The following TNR variants were observed in gnomAD, a reference collection of about 807,000 sequenced individuals.
TNR encodes tenascin R.
Under a neutral mutation model 150.4 loss-of-function variants are expected in TNR, and 45 were observed. That is an observed-to-expected ratio of 0.30 (90% CI 0.24 to 0.38). The LOEUF (loss-of-function observed/expected upper bound fraction) is 0.38, where lower values mean the gene tolerates loss of function less well. Ranked by LOEUF, TNR falls within the 10% of genes least tolerant of loss-of-function variation. The probability of loss-of-function intolerance (pLI) is 1.00; values close to 1 mark genes in which losing one functional copy is unlikely to be tolerated. For missense variants in TNR, 1,544 were observed against 1,759.1 expected, an observed-to-expected ratio of 0.88 and a Z score of 2.19; for synonymous variants, 687 against 678.4, an observed-to-expected ratio of 1.01 and a Z score of -0.20.
At chr1:175,493,843 A>G (rs1658360725) in intron 2 of TNR, among the ~76,000 whole-genome samples, 1 of 152,296 alleles carries the variant, frequency 6.6e-6, no homozygotes, top group East Asian at 1.9e-4. Flanking sequence ...CCGACTTGAA[A>G]AAAACGCCCA....
At chr1:175,347,947 T>C (rs1650875861) in intron 18 of TNR, among the ~76,000 whole-genome samples, 1 of 151,974 alleles carries the variant, frequency 6.6e-6, no homozygotes, top group African/African-American at 2.4e-5. Context: ...GGTATAAGAA[T>C]TAGAAGTATA....
At chr1:175,535,502 C>T (rs1571573726) in intron 1 of TNR, among the ~76,000 whole-genome samples, 1 of 151,844 alleles carries the variant, frequency 6.6e-6, no homozygotes, top group Non-Finnish European at 1.5e-5. Flanking sequence ...GCTCTGTCGC[C>T]CAGGCTGGAG....
At chr1:175,399,093 A>C (rs536824957) in intron 4 of TNR, among the ~76,000 whole-genome samples, 2 of 152,350 alleles carry the variant, frequency 1.3e-5, no homozygotes, top group Admixed American at 1.3e-4. Flanking sequence ...AAAGTAAACT[A>C]TATTAGGAAT....
chr1:175,637,664 A>T (rs1473349488), intron 1 of TNR, among the ~76,000 whole-genome samples: 1 of 152,220 alleles, frequency 6.6e-6, no homozygotes. Flanking sequence ...GGCCAAAATA[A>T]TCCAGGTATC....
Position 175,344,218 on chromosome 1 carries a change from G to C in TNR, c.3383-6539C>G, listed in dbSNP as rs532953136. The stretch of plus-strand genomic sequence containing the variant: ...ATTGAATGCAGACGAAGGGATGGCC[G>C]GTGCTTAGGGTGGCCAATCCAGGAC... On this transcript the variant is annotated intron_variant, in intron 18 of 22. Transcript: ENST00000367674. Among the ~76,000 whole-genome samples, 223 of 152,288 alleles carry C rather than the reference G, an allele frequency of 1.5e-3. 1 individual carries two copies. Among genetic ancestry groups the C allele is most frequent in the Non-Finnish European group, 2.5e-3 (169 of 68,022 alleles).
chr1:175,479,820 G>A (rs545168818), intron 2 of TNR, among the ~76,000 whole-genome samples: 3 of 152,202 alleles, frequency 2.0e-5, no homozygotes, highest in African/African-American at 7.2e-5. Flanking sequence ...GCTGTGGGTA[G>A]CCGCATTTTC....
chr1:175,506,262 T>C (rs752301695), intron 2 of TNR, among the ~76,000 whole-genome samples: 1 of 152,192 alleles, frequency 6.6e-6, no homozygotes, highest in Non-Finnish European at 1.5e-5. Context: ...TGCCTTTCTG[T>C]TATATTTGTT....
chr1:175,570,953 T>C (rs1250381568), intron 1 of TNR, among the ~76,000 whole-genome samples: 3 of 152,224 alleles, frequency 2.0e-5, no homozygotes, highest in African/African-American at 7.2e-5. Context: ...GACCCAGAGA[T>C]GGTGTTGACA....
intron 2 of TNR, among the ~76,000 whole-genome samples, chr1:175,407,416 C>T (rs1490639625): frequency 3.3e-5 from 5 of 152,108 alleles, no homozygotes; most frequent in Non-Finnish European, 5.9e-5. Flanking sequence ...TGCTCTGTGA[C>T]CACCAGGTGC....
intron 1 of TNR, among the ~76,000 whole-genome samples, chr1:175,537,742 G>A (rs1461705880): frequency 6.6e-6 from 1 of 152,176 alleles, no homozygotes; most frequent in Admixed American, 6.5e-5. Context: ...CAACCTGAGA[G>A]CAGAGAACAG....
rs984032476 is a variant in TNR at position 175,391,320 on chromosome 1, C to A, written c.1475G>T (p.Arg492Leu). The A allele has an allele frequency of 1.9e-6, 3 of 1,613,940 alleles. No individual in the cohort carries two copies. Among genetic ancestry groups the A allele is most frequent in the Non-Finnish European group, 2.5e-6 (3 of 1,180,018 alleles). The change falls in exon 7 of 23, where the codon CGC becomes CTC. Residue 492 changes from arginine (R) to leucine (L), a missense_variant. This residue lies in a region of TNR where 1,254 missense variants were observed against 1,329.4 expected (regional missense o/e 0.94). Transcript: ENST00000367674. ...GACGCTGGCCGAGGTAGGGGGGCTG[C>A]GGGCCTGTTCTTTCAGAGCCACCAC... ...VNVVALKEQA[R>L]SPPTSASVST...
At chr1:175,609,964 A>C (rs1451144010) in intron 1 of TNR, among the ~76,000 whole-genome samples, 2 of 152,244 alleles carry the variant, frequency 1.3e-5, no homozygotes, top group Non-Finnish European at 2.9e-5. Flanking sequence ...AATTACAAAC[A>C]TGTTGGAGTT....
intron 4 of TNR, among the ~76,000 whole-genome samples, chr1:175,401,267 C>T (rs188881395): frequency 3.3e-5 from 5 of 152,234 alleles, no homozygotes; most frequent in Non-Finnish European, 5.9e-5. Context: ...ATGTCCAGAC[C>T]GCCAAAGAGT....
rs77568699 is a variant in TNR, at chr1:175,406,114, C to T, written c.499+102G>A. The T allele has an allele frequency of 7.7e-3, 11,361 of 1,468,708 alleles. 92 individuals are homozygous for T. Among genetic ancestry groups the T allele is most frequent in the South Asian group, 0.028 (2,041 of 73,006 alleles). 91.0% of individuals were successfully genotyped at this position (1,468,708 alleles called of 1,614,324 possible). On this transcript the variant is annotated intron_variant, in intron 3 of 22. Transcript: ENST00000367674. Reference sequence around the variant, plus strand: ...AGATGCCGGGGTTTTGCTGGGAGTGCGTTTTCGCTGGAAGTGCATTGGTCC... The same window carrying T: ...AGATGCCGGGGTTTTGCTGGGAGTGTGTTTTCGCTGGAAGTGCATTGGTCC...
intron 1 of TNR, among the ~76,000 whole-genome samples, chr1:175,707,789 CT>C (rs1666881314): frequency 6.6e-6 from 1 of 152,030 alleles, no homozygotes; most frequent in Non-Finnish European, 1.5e-5. Flanking sequence ...TCAGCAAACT[CT>C]CTCTCTCAGT....
chr1:175,538,519 A>G (rs1392247464), intron 1 of TNR, among the ~76,000 whole-genome samples: 1 of 152,180 alleles, frequency 6.6e-6, no homozygotes, highest in Admixed American at 6.5e-5. Context: ...TTAAAATTCT[A>G]TCTAAAACCT....
chr1:175,403,685 G>A lies in TNR; in HGVS notation c.500-69C>T, dbSNP rs1469280272. The A allele has an allele frequency of 3.8e-6, 5 of 1,318,010 alleles. No homozygotes were observed. The Admixed American group carries it at 7.4e-5, about 20-fold the overall frequency. 81.6% of individuals were successfully genotyped at this position (1,318,010 alleles called of 1,614,324 possible). A position where few individuals can be genotyped will look rare whatever the true frequency, so the allele number is the denominator to read the frequency against. On this transcript the variant is annotated intron_variant, in intron 3 of 22. Coordinates refer to ENST00000367674, the MANE Select transcript of TNR (RefSeq NM_003285.3). ...CCTGTCAATGGTGCTGGGGAAGGAT[G>A]GGCAAAGGCCTCTCTACTCATTCTC...
chr1:175,404,436 A>C (rs1333310392), intron 3 of TNR, among the ~76,000 whole-genome samples: 1 of 152,174 alleles, frequency 6.6e-6, no homozygotes, highest in Non-Finnish European at 1.5e-5. Flanking sequence ...GATTCTACGC[A>C]TGTCTCTGTC....
intron 2 of TNR, among the ~76,000 whole-genome samples, chr1:175,482,037 C>T (rs114184422): frequency 0.036 from 5,510 of 152,212 alleles, 116 homozygotes; most frequent in East Asian, 0.095. Flanking sequence ...ACACACCAAC[C>T]GTGAGGGGTC....
Sources: gnomAD v4.1 joint callset for allele counts (sites outside exome capture counted in the v4.1 genomes callset) on GRCh38, gnomAD v4.1.1 for gene constraint, gnomAD v4.1.1 regional missense constraint, MANE v1.5 for transcripts, NCBI Gene and HGNC (gene_info 2026-07-23, HGNC 2026-07-21) for gene names.